The following SLC14A2 variants were observed in gnomAD, a reference collection of about 807,000 sequenced individuals.
SLC14A2 encodes solute carrier family 14 member 2.
Under a neutral mutation model 104.6 loss-of-function variants are expected in SLC14A2, and 91 were observed. The observed-to-expected ratio is 0.87, with a 90% CI of 0.73 to 1.04. The LOEUF (loss-of-function observed/expected upper bound fraction) is 1.04. SLC14A2 is among the 50% of genes least tolerant of loss of function. The probability of loss-of-function intolerance (pLI) is 0.00; values close to 1 mark genes in which losing one functional copy is unlikely to be tolerated. For synonymous variants in SLC14A2, 476 were observed against 466.4 expected, an observed-to-expected ratio of 1.02 and a Z score of -0.27; for missense variants, 1,189 against 1,156.0, an observed-to-expected ratio of 1.03 and a Z score of -0.41.
chr18:45,208,512 A>T (rs1394686685), upstream of SLC14A2, among the ~76,000 whole-genome samples: 3 of 152,190 alleles, frequency 2.0e-5, no homozygotes, highest in Non-Finnish European at 4.4e-5. Flanking sequence ...GTTGAGAAAC[A>T]CACCTGCACA....
chr18:45,487,438 A>G (rs1312384540), intron 2 of SLC14A2, among the ~76,000 whole-genome samples: 2 of 152,212 alleles, frequency 1.3e-5, no homozygotes, highest in African/African-American at 4.8e-5. Context: ...AAGGCAACAC[A>G]TTCGCAAGTT....
chr18:45,333,640 G>GGC (rs1599682365), intron 1 of SLC14A2, among the ~76,000 whole-genome samples: 1 of 152,182 alleles, frequency 6.6e-6, no homozygotes, highest in East Asian at 1.9e-4. Context: ...TGCTAGGCAT[G>GGC]GCGGGAAGTT....
intron 10 of SLC14A2, among the ~76,000 whole-genome samples, chr18:45,656,167 A>C (rs1435463817): frequency 6.6e-6 from 1 of 152,240 alleles, no homozygotes; most frequent in Non-Finnish European, 1.5e-5. Context: ...GGTGTAGTCT[A>C]GAGTAACCTC....
At chr18:45,463,762 T>A (rs1308516755) in intron 1 of SLC14A2, among the ~76,000 whole-genome samples, 2 of 151,984 alleles carry the variant, frequency 1.3e-5, no homozygotes, top group African/African-American at 2.4e-5. Context: ...CTAGTGAGAG[T>A]GTGTGGATAT....
intron 1 of SLC14A2, among the ~76,000 whole-genome samples, chr18:45,378,252 G>A (rs572466158): frequency 3.3e-4 from 50 of 152,246 alleles, no homozygotes; most frequent in African/African-American, 1.2e-3. Flanking sequence ...GAATTGAATT[G>A]AGTTGAATTG....
chr18:45,371,201 C>T (rs1173435192), intron 1 of SLC14A2, among the ~76,000 whole-genome samples: 1 of 152,058 alleles, frequency 6.6e-6, no homozygotes, highest in African/African-American at 2.4e-5. Flanking sequence ...CTAAAAGGAC[C>T]CAACCAGCCT....
intron 8 of SLC14A2, 104 bp from the exon 9 acceptor site, chr18:45,643,028 G>A: frequency 1.1e-6 from 1 of 943,544 alleles, no homozygotes; most frequent in Non-Finnish European, 1.7e-6. Context: ...GCAGGAGAGA[G>A]GGTGGGGCTC....
intron 1 of SLC14A2, among the ~76,000 whole-genome samples, chr18:45,289,530 A>T (rs750503292): frequency 6.6e-6 from 1 of 152,198 alleles, no homozygotes; most frequent in Non-Finnish European, 1.5e-5. Flanking sequence ...GCACAGGCCA[A>T]TGTTCCTTAC....
chr18:45,226,897 A>C (rs1379801505), intron 1 of SLC14A2, among the ~76,000 whole-genome samples: 2 of 152,018 alleles, frequency 1.3e-5, no homozygotes. Flanking sequence ...TTCCTCTCCT[A>C]ATTAGAGTCC....
chr18:45,359,160 C>T (rs1347372180), intron 1 of SLC14A2, among the ~76,000 whole-genome samples: 5 of 152,178 alleles, frequency 3.3e-5, no homozygotes, highest in Admixed American at 1.3e-4. Flanking sequence ...TGGTTCCATC[C>T]GGGATTCTTC....
At chr18:45,457,058 G>A (rs2086956297) in intron 1 of SLC14A2, among the ~76,000 whole-genome samples, 1 of 152,028 alleles carries the variant, frequency 6.6e-6, no homozygotes, top group South Asian at 2.1e-4. Context: ...GGAGCACACA[G>A]CAATACAAAT....
chr18:45,526,823 G>C (rs1434962646), intron 2 of SLC14A2, among the ~76,000 whole-genome samples: 4 of 152,108 alleles, frequency 2.6e-5, no homozygotes. Context: ...GTCTGGATCA[G>C]GAAATTTATG....
intron 1 of SLC14A2, among the ~76,000 whole-genome samples, chr18:45,333,184 G>C (rs1331473583): frequency 6.6e-6 from 1 of 152,076 alleles, no homozygotes; most frequent in Non-Finnish European, 1.5e-5. Flanking sequence ...ATCTTCTGGG[G>C]AATCATATCC....
At chr18:45,512,744 C>T (rs551402781) in intron 2 of SLC14A2, among the ~76,000 whole-genome samples, 26 of 152,332 alleles carry the variant, frequency 1.7e-4, no homozygotes, top group African/African-American at 6.3e-4. Context: ...GATTTACATA[C>T]ATCAGACTCA....
chr18:45,655,373 T>G (rs541064774), intron 10 of SLC14A2, among the ~76,000 whole-genome samples: 30 of 152,318 alleles, frequency 2.0e-4, no homozygotes, highest in Admixed American at 2.0e-4. Flanking sequence ...CTGTGAGGCA[T>G]GAATGTGCCC....
chr18:45,400,799 C>G (rs1397967593), intron 1 of SLC14A2, among the ~76,000 whole-genome samples: 1 of 152,132 alleles, frequency 6.6e-6, no homozygotes, highest in Non-Finnish European at 1.5e-5. Flanking sequence ...TATATCAATG[C>G]TTACTCATGG....
intron 1 of SLC14A2, among the ~76,000 whole-genome samples, chr18:45,312,107 G>A (rs1261840792): frequency 6.6e-6 from 1 of 152,138 alleles, no homozygotes; most frequent in Non-Finnish European, 1.5e-5. Flanking sequence ...TGTGACTATG[G>A]GGAAGTTATC....
chr18:45,380,679 TG>T (rs2085825653), intron 1 of SLC14A2, among the ~76,000 whole-genome samples: 1 of 152,214 alleles, frequency 6.6e-6, no homozygotes, highest in South Asian at 2.1e-4. Context: ...GGCTGTGCTT[TG>T]TCTCATTTTG....
intron 4 of SLC14A2, among the ~76,000 whole-genome samples, chr18:45,629,308 G>A (rs1301726356): frequency 6.6e-6 from 1 of 152,176 alleles, no homozygotes; most frequent in Non-Finnish European, 1.5e-5. Flanking sequence ...AAAGTCAGAT[G>A]GATGAGAGGC....
Sources: gnomAD v4.1 joint callset for allele counts (sites outside exome capture counted in the v4.1 genomes callset) on GRCh38, gnomAD v4.1.1 for gene constraint, MANE v1.5 for transcripts, NCBI Gene and HGNC (gene_info 2026-07-23, HGNC 2026-07-21) for gene names.